CEP170B: variants seen among roughly 807,000 people sequenced by gnomAD.
The protein encoded by CEP170B is centrosomal protein 170B, also known as centrosomal protein of 170 kDa protein B.
In CEP170B, 55 loss-of-function variants were observed where a neutral mutation model predicts 120.6. The ratio of observed to expected loss-of-function variants is 0.46; its 90% confidence interval spans 0.37 to 0.57. The LOEUF is 0.57. Ranked by LOEUF, CEP170B falls within the 20% of genes least tolerant of loss-of-function variation. CEP170B has a pLI of 0.00. For synonymous variants in CEP170B, 1,033 were observed against 954.5 expected (o/e 1.08, Z -1.52); for missense variants, 2,212 against 2,253.3 (o/e 0.98, Z 0.37).
intron 3 of CEP170B, 52 bp from the exon 4 acceptor site, chr14:104,877,833 G>GCCCCCCCCCCCCCCCGCCCCCCCCCCCCC: frequency 8.3e-6 from 3 of 359,808 alleles, no homozygotes; most frequent in South Asian, 3.5e-5. Flanking sequence ...CCTGCCCACA[G>GCCCCCCCCCCCCCCCGCCCCCCCCCCCCC]CCACCCACCC....
Position 104,886,624 on chromosome 14 carries a change from C to G in CEP170B, c.2385C>G (p.Ala795=). The change falls in exon 12 of 19, where the codon GCC becomes GCG. Residue 795 remains alanine, a synonymous_variant. Coordinates refer to ENST00000414716, the MANE Select transcript of CEP170B (RefSeq NM_001112726.3). The part of the protein sequence containing the change: ...SPRAPGEPTP[A]SFFIGDQNGD... ...GGGCCCCCGGGGAGCCAACTCCCGC[C>G]TCTTTCTTCATTGGGGACCAGAATG... 6.6e-7 allele frequency: 1 copy of G among 1,522,586 alleles called. No individual in the cohort carries two copies. Among genetic ancestry groups the G allele is most frequent in the Non-Finnish European group, 8.8e-7 (1 of 1,137,972 alleles). 94.3% of individuals were successfully genotyped at this position (1,522,586 alleles called of 1,614,324 possible). A position where few individuals can be genotyped will look rare whatever the true frequency, so the allele number is the denominator to read the frequency against.
rs1896951597 is a variant in CEP170B at position 104,893,584 on chromosome 14, A to G, written c.4100A>G (p.Asn1367Ser). 1.2e-6 allele frequency: 2 copies of G among 1,603,624 alleles called. No individual in the cohort carries two copies. The highest frequency in any genetic ancestry group is 2.3e-5 in the East Asian group (1 of 44,408). ...CAGAAGGTGCCGCCCGGCTCGCTGA[A>G]CTCTCGGGACTTTGACCAGAACATG... ...NFQKVPPGSL[N>S]SRDFDQNMND... The change falls in exon 15 of 19, where the codon AAC becomes AGC. Residue 1367 changes from asparagine to serine, a missense_variant. Transcript: ENST00000414716.
rs918708029 is a variant in CEP170B, at chr14:104,884,645, G to T, written c.1770+96G>T. 7 of 1,144,826 alleles carry T rather than the reference G, an allele frequency of 6.1e-6. No homozygotes were observed. The South Asian group carries it at 1.1e-4, about 17-fold the overall frequency. The allele number at this position is 1,144,826 out of a possible 1,614,324, so 70.9% of individuals were successfully genotyped here. On this transcript the variant is annotated intron_variant, in intron 9 of 18. Coordinates refer to ENST00000414716, the MANE Select transcript of CEP170B (RefSeq NM_001112726.3). The stretch of plus-strand genomic sequence containing the variant: ...TGAGAGCCCTCGTGGGGAACGGGGG[G>T]TGGAGGCGATGCCGGGGGTGGCGAG...
At chr14:104,892,333 G>C (rs764940702) in intron 13 of CEP170B, among the ~76,000 whole-genome samples, 3 of 152,142 alleles carry the variant, frequency 2.0e-5, no homozygotes, top group Admixed American at 1.3e-4. Flanking sequence ...GGAGGCCTGT[G>C]CCCCCTGGGC....
chr14:104,875,870 C>T (rs1895819352), intron 2 of CEP170B, among the ~76,000 whole-genome samples: 1 of 152,178 alleles, frequency 6.6e-6, no homozygotes, highest in Admixed American at 6.5e-5. Flanking sequence ...GTGTGTGTTC[C>T]TGTGGGGCTG....
Position 104,887,001 on chromosome 14 carries a change from T to G in CEP170B, c.2762T>G (p.Leu921Arg). 6.2e-7 allele frequency: 1 copy of G among 1,609,646 alleles called. No individual in the cohort carries two copies. The highest frequency in any genetic ancestry group is 8.5e-7 in the Non-Finnish European group (1 of 1,179,662). ...HLILKETETA[L>R]AALEARLLSN... ...ATCTTGAAGGAGACGGAGACGGCCC[T>G]GGCGGCCCTGGAGGCCCGACTCCTC... The change falls in exon 12 of 19, where the codon CTG (leucine) becomes CGG (arginine). Residue 921 changes from leucine (L) to arginine (R), a missense_variant. Coordinates refer to ENST00000414716, the MANE Select transcript of CEP170B (RefSeq NM_001112726.3).
Position 104,886,650 on chromosome 14 carries a change from G to A in CEP170B, c.2411G>A (p.Gly804Glu), listed in dbSNP as rs1362429455. 2 of 1,530,662 alleles carry A rather than the reference G, an allele frequency of 1.3e-6. No individual in the cohort carries two copies. The highest frequency in any genetic ancestry group is 1.3e-5 in the South Asian group (1 of 76,704). The allele number at this position is 1,530,662 out of a possible 1,614,324, so 94.8% of individuals were successfully genotyped here. A position where few individuals can be genotyped will look rare whatever the true frequency, so the allele number is the denominator to read the frequency against. Reference protein sequence around the residue: ...PASFFIGDQNGDAVLSRKPLA... With the variant: ...PASFFIGDQNEDAVLSRKPLA... ...TCTTTCTTCATTGGGGACCAGAATG[G>A]GGACGCTGTGTTATCTAGGAAACCG... The change falls in exon 12 of 19, where the codon GGG (glycine) becomes GAG (glutamate). Residue 804 changes from glycine (G) to glutamate (E), a missense_variant. Around this residue, in one of 2 missense-constraint regions of CEP170B, gnomAD observed 2,166 missense variants for 2,166.7 expected, o/e 1.00. Coordinates refer to ENST00000414716, the MANE Select transcript of CEP170B (RefSeq NM_001112726.3).
chr14:104,885,537 C>T lies in CEP170B; in HGVS notation c.1939C>T (p.His647Tyr), dbSNP rs766894227. The T allele has an allele frequency of 1.3e-6, 2 of 1,561,376 alleles. No homozygotes were observed. The highest frequency in any genetic ancestry group is 1.9e-5 in the Admixed American group (1 of 52,610). The stretch of plus-strand genomic sequence containing the variant: ...ACTGGGTGCGGCCCCCCAGGCGGAG[C>T]ACCAGGTACAGGCACAGACGGCCAC... Reference protein sequence around the residue: ...RPLGAAPQAEHQGLPVPGSPG... With the variant: ...RPLGAAPQAEYQGLPVPGSPG... Residue 647 changes from histidine to tyrosine, a missense_variant, in exon 10 of 19, where the codon CAC becomes TAC. By Grantham distance (83) the His-to-Tyr change is moderately conservative. This residue lies in a region of CEP170B where 2,166 missense variants were observed against 2,166.7 expected (regional missense o/e 1.00). Transcript: ENST00000414716.
In CEP170B at chr14:104,870,213, C is replaced by T. The variant is rs950522143; in HGVS notation, c.105+1658C>T. On this transcript the variant is annotated intron_variant, in intron 2 of 18. Coordinates refer to ENST00000414716, the MANE Select transcript of CEP170B (RefSeq NM_001112726.3). The surrounding 1 kb of genome is among the most constrained non-coding windows in gnomAD (Gnocchi z 4.1). ...CAGCCAGGGAGCGAGCGTGGGCGAC[C>T]GAGGTGGGCGCGGCAGCACCTGCAC... Among the ~76,000 whole-genome samples, 3 of 152,162 alleles carry T rather than the reference C, an allele frequency of 2.0e-5. No individual in the cohort carries two copies. Among genetic ancestry groups the T allele is most frequent in the Non-Finnish European group, 4.4e-5 (3 of 68,028 alleles).
At chr14:104,888,946 C>T (rs772952392) in intron 12 of CEP170B, among the ~76,000 whole-genome samples, 1 of 152,224 alleles carries the variant, frequency 6.6e-6, no homozygotes, top group African/African-American at 2.4e-5. Flanking sequence ...CCCAAGCATG[C>T]GGCTCGCCAT....
rs993609552 is a variant in CEP170B, at chr14:104,865,736, C to A, written c.-28+223C>A. ...AGCCGCCCCGTTTCTACGCGGCCTG[C>A]GGAGGGGGCGGCAAGCCTGGGCACC... On this transcript the variant is annotated intron_variant, in intron 1 of 18. Transcript: ENST00000414716. This position sits in a 1 kb window ranked among gnomAD's most constrained non-coding sequence, Gnocchi z 6.7. Among the ~76,000 whole-genome samples the A allele has an allele frequency of 1.3e-5, 2 of 151,992 alleles. No individual in the cohort carries two copies. Among genetic ancestry groups the A allele is most frequent in the Non-Finnish European group, 2.9e-5 (2 of 67,954 alleles).
chr14:104,876,190 G>A (rs1895836278), intron 2 of CEP170B, 66 bp from the exon 3 acceptor site: 5 of 1,436,016 alleles, frequency 3.5e-6, no homozygotes, highest in Non-Finnish European at 4.8e-6. Context: ...GAGCAGGGGT[G>A]CCTCTGCCTC....
At chr14:104,872,417 G>GTGTGTGCGT (rs1566852598) in intron 2 of CEP170B, among the ~76,000 whole-genome samples, 4 of 54,570 alleles carry the variant, frequency 7.3e-5, no homozygotes, top group Non-Finnish European at 7.9e-5. Context: ...GTGTGCCGTG[G>GTGTGTGCGT]GTGTGCCGTG....
chr14:104,866,211 G>C (rs1303603704), intron 1 of CEP170B, among the ~76,000 whole-genome samples: 1 of 152,256 alleles, frequency 6.6e-6, no homozygotes, highest in Non-Finnish European at 1.5e-5. Context: ...TGGGCGGCCG[G>C]GGCAGTGGGT....
Position 104,886,658 on chromosome 14 carries a change from G to A in CEP170B, c.2419G>A (p.Val807Met). 1 of 1,535,136 alleles carries A rather than the reference G, an allele frequency of 6.5e-7. No individual in the cohort carries two copies. ...CATTGGGGACCAGAATGGGGACGCT[G>A]TGTTATCTAGGAAACCGCTTGCGGC... The part of the protein sequence containing the change: ...FFIGDQNGDA[V>M]LSRKPLAAPG... The change falls in exon 12 of 19, where the codon GTG (valine) becomes ATG (methionine). Residue 807 changes from valine (V) to methionine (M), a missense_variant. Physicochemically the swap from Val to Met is conservative, Grantham distance 21. Transcript: ENST00000414716.
intron 10 of CEP170B, among the ~76,000 whole-genome samples, chr14:104,885,749 C>G (rs574841230): frequency 6.6e-6 from 1 of 152,184 alleles, no homozygotes; most frequent in Non-Finnish European, 1.5e-5. Context: ...CTGGGCAAAA[C>G]GGGCTCTGAG....
chr14:104,876,295 G>A lies in CEP170B; in HGVS notation c.145G>A (p.Asp49Asn), dbSNP rs1895842750. ...VDKQHAVINY[D>N]QDRDEHWVKD... ...CAAGCAGCATGCCGTCATCAACTACGACCAGGACAGGGACGAGCACTGGGT... is the reference window on the plus strand; with the variant it reads ...CAAGCAGCATGCCGTCATCAACTACAACCAGGACAGGGACGAGCACTGGGT... Residue 49 changes from aspartate to asparagine, a missense_variant, in exon 3 of 19, where the codon GAC becomes AAC. Physicochemically the swap from Asp to Asn is conservative, Grantham distance 23. Transcript: ENST00000414716. 8 of 1,550,736 alleles carry A rather than the reference G, an allele frequency of 5.2e-6. No individual in the cohort carries two copies. The highest frequency in any genetic ancestry group is 1.7e-4 in the Middle Eastern group (1 of 6,014).
chr14:104,890,133 G>C (rs1175976080), intron 13 of CEP170B, among the ~76,000 whole-genome samples: 1 of 96,368 alleles, frequency 1.0e-5, no homozygotes, highest in Non-Finnish European at 2.1e-5. Context: ...TGGATGGGAG[G>C]GTGGGTGGGT....
Position 104,894,801 on chromosome 14 carries a change from A to G in CEP170B, c.4508A>G (p.Lys1503Arg), listed in dbSNP as rs202016899. 8.1e-6 allele frequency: 13 copies of G among 1,608,006 alleles called. No individual in the cohort carries two copies. In the South Asian group the frequency reaches 1.4e-4, roughly 18 times the overall value. The stretch of plus-strand genomic sequence containing the variant: ...AGCTCTGCACAGCCGGGGCTGGGGA[A>G]GGGCCGCGTGGCTGCCCAGAGCCCA... ...LASSAQPGLG[K>R]GRVAAQSPPS... The change falls in exon 19 of 19, where the codon AAG becomes AGG. Residue 1503 changes from lysine (K) to arginine (R), a missense_variant. Transcript: ENST00000414716.
Sources: allele counts gnomAD v4.1 joint callset (sites outside exome capture counted in the v4.1 genomes callset), GRCh38; gene constraint gnomAD v4.1.1; regional missense constraint gnomAD v4.1.1; non-coding constraint Gnocchi (gnomAD v3.1); transcripts MANE v1.5; gene names NCBI Gene and HGNC (gene_info 2026-07-23, HGNC 2026-07-21).